The following MYO18A variants were observed in gnomAD, a reference collection of about 807,000 sequenced individuals.
The protein encoded by MYO18A is myosin XVIIIA.
Under a neutral mutation model 235.8 loss-of-function variants are expected in MYO18A, and 78 were observed. The ratio of observed to expected loss-of-function variants is 0.33; its 90% confidence interval spans 0.28 to 0.40. MYO18A has a LOEUF of 0.40. Ranked by LOEUF, MYO18A falls within the 10% of genes least tolerant of loss-of-function variation. The pLI, the probability that MYO18A is intolerant of heterozygous loss-of-function variation, is 1.00. For synonymous variants in MYO18A, 977 were observed against 1,077.8 expected (o/e 0.91, Z 1.83); for missense variants, 2,215 against 2,699.3 (o/e 0.82, Z 3.98).
At position 29,106,976 on chromosome 17, in the gene MYO18A, G is replaced by A; in HGVS notation, c.3441+104C>T. The A allele has an allele frequency of 7.1e-6, 8 of 1,127,836 alleles. No individual in the cohort carries two copies. Among genetic ancestry groups the A allele is most frequent in the Non-Finnish European group, 1.1e-5 (8 of 755,152 alleles). The allele number at this position is 1,127,836 out of a possible 1,614,324, so 69.9% of individuals were successfully genotyped here. ...TTCCAAAACTGGGAGCCTGAGCAGG[G>A]CCAGATGAGCTGTCTCCAGGGAAGG... On this transcript the variant is annotated intron_variant, in intron 20 of 41. Coordinates refer to ENST00000527372, the MANE Select transcript of MYO18A (RefSeq NM_078471.4). The surrounding 1 kb of genome is among the most constrained non-coding windows in gnomAD (Gnocchi z 4.6).
chr17:29,162,946 T>C (rs2068205537), intron 2 of MYO18A, among the ~76,000 whole-genome samples: 1 of 152,188 alleles, frequency 6.6e-6, no homozygotes, highest in African/African-American at 2.4e-5. Flanking sequence ...AGGGGCTGTG[T>C]CTCCCTGGGG....
intron 2 of MYO18A, among the ~76,000 whole-genome samples, chr17:29,142,997 G>A (rs558868497): frequency 4.6e-5 from 7 of 152,220 alleles, no homozygotes; most frequent in Admixed American, 1.3e-4. Context: ...TAGTGGAGAC[G>A]GGGTTTCACC....
chr17:29,124,787 G>A (rs1006320842), intron 2 of MYO18A: 18 of 1,026,668 alleles, frequency 1.8e-5, no homozygotes, highest in South Asian at 1.1e-4. Flanking sequence ...CAAGTGGGCC[G>A]GCACTCTCTA....
Position 29,120,682 on chromosome 17 carries a change from G to T in MYO18A, c.1662C>A (p.Thr554=), listed in dbSNP as rs1304314006. The T allele has an allele frequency of 6.2e-7, 1 of 1,613,868 alleles. No individual in the cohort carries two copies. Among genetic ancestry groups the T allele is most frequent in the African/African-American group, 1.3e-5 (1 of 74,926 alleles). ...CCAGGGAGAGGATCTGGGAGAAGCG[G>T]GTGGCATTGCCATTAATGATGGTGG... is the stretch of plus-strand genomic sequence containing the variant. ...NSPTIINGNA[T]RFSQILSLDF... The change falls in exon 7 of 42, where the codon ACC becomes ACA. Residue 554 remains threonine, a synonymous_variant. Transcript: ENST00000527372. This position sits in a 1 kb window ranked among gnomAD's most constrained non-coding sequence, Gnocchi z 4.2.
In MYO18A at chr17:29,158,227, G is replaced by C. The variant is rs940646175; in HGVS notation, c.999+7715C>G. Among the ~76,000 whole-genome samples, 2 of 152,216 alleles carry C rather than the reference G, an allele frequency of 1.3e-5. No individual in the cohort carries two copies. Among genetic ancestry groups the C allele is most frequent in the Admixed American group, 6.5e-5 (1 of 15,284 alleles). Reference sequence around the variant, plus strand: ...GACATCCTGCCCTGGCCCAGAGTCTGTGCAAAGCAACCGGGCTGAGTCGCA... The same window carrying C: ...GACATCCTGCCCTGGCCCAGAGTCTCTGCAAAGCAACCGGGCTGAGTCGCA... On this transcript the variant is annotated intron_variant, in intron 2 of 41. Coordinates refer to ENST00000527372, the MANE Select transcript of MYO18A (RefSeq NM_078471.4). This position sits in a 1 kb window ranked among gnomAD's most constrained non-coding sequence, Gnocchi z 4.3.
intron 39 of MYO18A, 147 bp downstream of exon 39, chr17:29,086,291 C>A: frequency 2.2e-6 from 2 of 902,050 alleles, no homozygotes; most frequent in African/African-American, 1.7e-5. Flanking sequence ...ACAGGCTGTG[C>A]TGGGATCTGG....
At chr17:29,088,146 C>CG (rs1408515932) in intron 37 of MYO18A, among the ~76,000 whole-genome samples, 5 of 151,400 alleles carry the variant, frequency 3.3e-5, no homozygotes, top group Admixed American at 1.3e-4. Context: ...CTCCGCCCCC[C>CG]GGGGTTCACG....
intron 2 of MYO18A, among the ~76,000 whole-genome samples, chr17:29,161,121 G>A (rs916477397): frequency 2.6e-5 from 4 of 152,092 alleles, no homozygotes; most frequent in Admixed American, 6.6e-5. Context: ...TTGGGAGGCC[G>A]AGGCAGGTGG....
rs2067709408 is a variant in MYO18A, at chr17:29,140,402, CCG to C, written c.1000-18151_1000-18150del. On this transcript the variant is annotated intron_variant, in intron 2 of 41. Transcript: ENST00000527372. The surrounding 1 kb of genome is among the most constrained non-coding windows in gnomAD (Gnocchi z 4.2). ...ACTCCGCTCTGATGCTGCTCTGGCT[CCG>C]TTAGCAGCTCAAAATAGCACAGGCT... 1.6e-6 allele frequency: 2 copies of C among 1,283,298 alleles called. No individual in the cohort carries two copies. Among genetic ancestry groups the C allele is most frequent in the South Asian group, 2.5e-5 (2 of 80,304 alleles). The allele number at this position is 1,283,298 out of a possible 1,614,324, so 79.5% of individuals were successfully genotyped here. A position where few individuals can be genotyped will look rare whatever the true frequency, so the allele number is the denominator to read the frequency against.
At chr17:29,152,707 G>A (rs1409231250) in intron 2 of MYO18A, among the ~76,000 whole-genome samples, 1 of 152,122 alleles carries the variant, frequency 6.6e-6, no homozygotes, top group African/African-American at 2.4e-5. Context: ...GATTAATGAG[G>A]ATGATGATAA....
chr17:29,129,722 A>G (rs1165871260), intron 2 of MYO18A, among the ~76,000 whole-genome samples: 2 of 152,224 alleles, frequency 1.3e-5, no homozygotes, highest in Non-Finnish European at 2.9e-5. Context: ...CAGTAGGCGC[A>G]CCTGGGAGCT....
chr17:29,133,486 TGA>T (rs1372679461), intron 2 of MYO18A, among the ~76,000 whole-genome samples: 5 of 151,696 alleles, frequency 3.3e-5, no homozygotes, highest in Non-Finnish European at 5.9e-5. Flanking sequence ...GTTCCAGGGG[TGA>T]GTCAAGGCAG....
rs969367678 is a variant in MYO18A at position 29,159,962 on chromosome 17, G to A, written c.999+5980C>T. 5.9e-5 allele frequency among the ~76,000 whole-genome samples: 9 copies of A among 152,182 alleles called. No individual in the cohort carries two copies. In the East Asian group the frequency reaches 1.2e-3, roughly 20 times the overall value. On this transcript the variant is annotated intron_variant, in intron 2 of 41. Transcript: ENST00000527372. The stretch of plus-strand genomic sequence containing the variant: ...AAGGCCATCTCTCCCTTCAGATGGC[G>A]TCTATAAGGCTAGGGCTACAGGAAA...
chr17:29,121,319 C>G lies in MYO18A; in HGVS notation c.1372-108G>C. 7.8e-7 allele frequency: 1 copy of G among 1,288,790 alleles called. No homozygotes were observed. Among genetic ancestry groups the G allele is most frequent in the East Asian group, 2.5e-5 (1 of 39,432 alleles). 79.8% of individuals were successfully genotyped at this position (1,288,790 alleles called of 1,614,324 possible). ...TTTCTGGATTTTCCCTCCTGTAGTG[C>G]CCAGGGATTCCAAGGCCAAGGCCAT... On this transcript the variant is annotated intron_variant, in intron 5 of 41. Transcript: ENST00000527372. The surrounding 1 kb of genome is among the most constrained non-coding windows in gnomAD (Gnocchi z 4.2).
At chr17:29,093,478 G>T in intron 31 of MYO18A, 51 bp from the exon 32 acceptor site, 1 of 1,413,432 alleles carries the variant, frequency 7.1e-7, no homozygotes, top group Non-Finnish European at 9.8e-7. Flanking sequence ...TGCCTGGTGC[G>T]AAGCAGGCCC....
At chr17:29,107,404 G>C (rs1239994894) in intron 19 of MYO18A, 1 of 541,794 alleles carries the variant, frequency 1.8e-6, no homozygotes, top group Non-Finnish European at 3.3e-6. Context: ...TGCTCCACAG[G>C]GGGATAGGAA....
chr17:29,089,866 T>A (rs1448463138), intron 37 of MYO18A, 95 bp downstream of exon 37: 2 of 1,519,934 alleles, frequency 1.3e-6, no homozygotes, highest in East Asian at 4.6e-5. Flanking sequence ...CTGAGGACTG[T>A]CCGGGGGCCT....
In MYO18A at chr17:29,118,350, G is replaced by A; in HGVS notation, c.1893+27C>T. 1 of 1,594,912 alleles carries A rather than the reference G, an allele frequency of 6.3e-7. No individual in the cohort carries two copies. The highest frequency in any genetic ancestry group is 1.1e-5 in the South Asian group (1 of 89,816). On this transcript the variant is annotated intron_variant, in intron 9 of 41. Transcript: ENST00000527372. This position sits in a 1 kb window ranked among gnomAD's most constrained non-coding sequence, Gnocchi z 4.2. The stretch of plus-strand genomic sequence containing the variant: ...CTCCTACCCCCAAGGCCCAGGGCTG[G>A]CAACCCAGACCCCACAGACCCCTCA...
At position 29,074,043 on chromosome 17, in the gene MYO18A, C is replaced by T. The variant is rs73986791; in HGVS notation, c.*727G>A. ...GCTGGAGGTGCGGATGGTCCACACA[C>T]ACACTTGTCTGCGTAGGCTTGCTCA... On this transcript the variant is annotated 3_prime_UTR_variant, in exon 42 of 42. Transcript: ENST00000527372. This position sits in a 1 kb window ranked among gnomAD's most constrained non-coding sequence, Gnocchi z 4.4. 5,464 of 1,614,056 alleles carry T rather than the reference C, an allele frequency of 3.4e-3. 159 individuals are homozygous for T. In the African/African-American group the frequency reaches 0.065, roughly 19 times the overall value.
Sources: allele counts gnomAD v4.1 joint callset (sites outside exome capture counted in the v4.1 genomes callset), GRCh38; gene constraint gnomAD v4.1.1; non-coding constraint Gnocchi (gnomAD v3.1); transcripts MANE v1.5; gene names NCBI Gene and HGNC (gene_info 2026-07-23, HGNC 2026-07-21).